RNFT2: variants seen among roughly 807,000 people sequenced by gnomAD.
RNFT2 encodes ring finger protein, transmembrane 2, also known as E3 ubiquitin-protein ligase RNFT2.
A neutral mutation model predicts 53.0 loss-of-function variants in RNFT2; 36 were observed. That is an observed-to-expected ratio of 0.68 (90% CI 0.52 to 0.90). The LOEUF (loss-of-function observed/expected upper bound fraction) is 0.90, where lower values mean the gene tolerates loss of function less well. Ranked by LOEUF, RNFT2 falls within the 40% of genes least tolerant of loss-of-function variation. RNFT2 has a pLI of 0.00. For synonymous variants in RNFT2, 260 were observed against 253.2 expected (o/e 1.03, Z -0.26); for missense variants, 514 against 585.6 (o/e 0.88, Z 1.26).
chr12:116,757,524 T>C (rs1872556417), intron 5 of RNFT2, among the ~76,000 whole-genome samples: 1 of 152,164 alleles, frequency 6.6e-6, no homozygotes, highest in East Asian at 1.9e-4. Context: ...GGTTGTGTCA[T>C]TATTGTCATT....
chr12:116,852,760 A>C lies in RNFT2; in HGVS notation c.*3312A>C. 2 of 1,580,108 alleles carry C rather than the reference A, an allele frequency of 1.3e-6. No individual in the cohort carries two copies. The highest frequency in any genetic ancestry group is 1.7e-6 in the Non-Finnish European group (2 of 1,149,114). On this transcript the variant is annotated 3_prime_UTR_variant, in exon 11 of 11. Coordinates refer to ENST00000257575, the MANE Select transcript of RNFT2 (RefSeq NM_001382266.1). ...AGTCAGACCTGGAATTCTGATTCCAAACTCTTTATTACTTTGGGAAGTCAC... is the reference window on the plus strand; with the variant it reads ...AGTCAGACCTGGAATTCTGATTCCACACTCTTTATTACTTTGGGAAGTCAC...
chr12:116,763,248 A>G (rs1430430212), intron 5 of RNFT2, among the ~76,000 whole-genome samples: 1 of 152,194 alleles, frequency 6.6e-6, no homozygotes, highest in Non-Finnish European at 1.5e-5. Context: ...AAGATATACA[A>G]ATGGCCAACA....
rs547850850 is a variant in RNFT2, at chr12:116,765,550, C to T, written c.628-1264C>T. Reference sequence around the variant, plus strand: ...AGCCACTCCAGTCTGAAAAAAGGCACGAGCTGTTGAGAATCAACAGCAGAG... The same window carrying T: ...AGCCACTCCAGTCTGAAAAAAGGCATGAGCTGTTGAGAATCAACAGCAGAG... On this transcript the variant is annotated intron_variant, in intron 5 of 10. Coordinates refer to ENST00000257575, the MANE Select transcript of RNFT2 (RefSeq NM_001382266.1). 4.6e-5 allele frequency among the ~76,000 whole-genome samples: 7 copies of T among 152,220 alleles called. No individual in the cohort carries two copies. In the South Asian group the frequency reaches 8.3e-4, roughly 18 times the overall value.
At chr12:116,776,350 A>C (rs760191484) in intron 6 of RNFT2, among the ~76,000 whole-genome samples, 2 of 152,226 alleles carry the variant, frequency 1.3e-5, no homozygotes, top group Non-Finnish European at 2.9e-5. Context: ...TCAGATCTTC[A>C]TTTGATCATG....
At chr12:116,813,024 C>T (rs116243410) in intron 7 of RNFT2, among the ~76,000 whole-genome samples, 2,319 of 152,292 alleles carry the variant, frequency 0.015, 66 homozygotes, top group African/African-American at 0.053. Context: ...GGCACGATCA[C>T]GATTCATTGC....
rs1393288914 is a variant in RNFT2, at chr12:116,766,828, G to T, written c.642G>T (p.Val214=). 23 of 1,595,148 alleles carry T rather than the reference G, an allele frequency of 1.4e-5. No homozygotes were observed. Among genetic ancestry groups the T allele is most frequent in the Non-Finnish European group, 1.7e-5 (20 of 1,170,216 alleles). The change falls in exon 6 of 11, where the codon GTG becomes GTT. Residue 214 remains valine (V), a synonymous_variant. Coordinates refer to ENST00000257575, the MANE Select transcript of RNFT2 (RefSeq NM_001382266.1). The stretch of plus-strand genomic sequence containing the variant: ...TTTGTCTTCAGGAGAAGAGGTCAGT[G>T]CTGGTCATCTTGTGGATCCTGGCCT... The part of the protein sequence containing the change: ...EQVSLKEKRS[V]LVILWILAFL...
intron 3 of RNFT2, among the ~76,000 whole-genome samples, chr12:116,746,106 G>A (rs200706559): frequency 3.4e-4 from 51 of 152,198 alleles, no homozygotes; most frequent in African/African-American, 9.9e-4. Context: ...GCATAGTGGC[G>A]CACACCTGTA....
In RNFT2 at chr12:116,809,256, GTCC is replaced by G. The variant is rs1297370260; in HGVS notation, c.883-24529_883-24527del. On this transcript the variant is annotated intron_variant, in intron 7 of 10. Transcript: ENST00000257575. ...GGAGCAGAGTCGTGGCTGCATCCCA[GTCC>G]TCCTCCATCAGAGGTTGCGTTTGAA... 5.9e-5 allele frequency among the ~76,000 whole-genome samples: 9 copies of G among 152,092 alleles called. No homozygotes were observed. In the East Asian group the frequency reaches 7.7e-4, roughly 13 times the overall value.
chr12:116,836,370 T>C, intron 10 of RNFT2, 88 bp downstream of exon 10: 1 of 1,108,990 alleles, frequency 9.0e-7, no homozygotes, highest in East Asian at 2.6e-5. Flanking sequence ...GTCTCTGGCA[T>C]GGGTCTCTGG....
At chr12:116,812,972 T>C (rs552482873) in intron 7 of RNFT2, among the ~76,000 whole-genome samples, 1 of 151,898 alleles carries the variant, frequency 6.6e-6, no homozygotes, top group Non-Finnish European at 1.5e-5. Flanking sequence ...TTTTTTTCTT[T>C]TGAAACAGGG....
intron 7 of RNFT2, among the ~76,000 whole-genome samples, chr12:116,800,853 T>TAAAATAAAATAAAAC (rs1312521219): frequency 1.1e-4 from 16 of 148,404 alleles, no homozygotes; most frequent in Admixed American, 1.1e-3. Flanking sequence ...TAAAATAAAA[T>TAAAATAAAATAAAAC]AAAATAAAAA....
chr12:116,831,225 T>G (rs1049206843), intron 7 of RNFT2, among the ~76,000 whole-genome samples: 1 of 150,866 alleles, frequency 6.6e-6, no homozygotes, highest in African/African-American at 2.4e-5. Context: ...GAGAGAGAGA[T>G]AATATCCTTC....
At chr12:116,778,367 A>G (rs1283630544) in intron 6 of RNFT2, among the ~76,000 whole-genome samples, 1 of 152,150 alleles carries the variant, frequency 6.6e-6, no homozygotes, top group South Asian at 2.1e-4. Context: ...GTAAAACTGG[A>G]TTAGTCACAT....
At chr12:116,806,742 T>C in intron 7 of RNFT2, among the ~76,000 whole-genome samples, 1 of 137,800 alleles carries the variant, frequency 7.3e-6, no homozygotes, top group African/African-American at 2.9e-5. Context: ...AGAGACCCTC[T>C]CTCAAAAAAA....
chr12:116,791,338 T>G (rs1292794960), intron 7 of RNFT2, among the ~76,000 whole-genome samples: 1 of 152,118 alleles, frequency 6.6e-6, no homozygotes, highest in Non-Finnish European at 1.5e-5. Flanking sequence ...TGAGACGGAG[T>G]CTCACCGTGT....
At chr12:116,834,823 C>G (rs905330887) in intron 8 of RNFT2, among the ~76,000 whole-genome samples, 56 of 151,704 alleles carry the variant, frequency 3.7e-4, no homozygotes, top group Admixed American at 2.9e-3. Flanking sequence ...CTTCACAAAC[C>G]CTTCAAGGTA....
chr12:116,748,887 T>C (rs1191618471), intron 3 of RNFT2: 1 of 196,664 alleles, frequency 5.1e-6, no homozygotes, highest in African/African-American at 2.4e-5. Context: ...ACAAGTTACT[T>C]TCTCTCTCTG....
intron 7 of RNFT2, among the ~76,000 whole-genome samples, chr12:116,816,672 T>C (rs144623565): frequency 1.1e-3 from 169 of 152,302 alleles, no homozygotes; most frequent in African/African-American, 3.2e-3. Context: ...TTAGGCAAAA[T>C]GGTGAACTTC....
chr12:116,809,979 A>G (rs1007538335), intron 7 of RNFT2, among the ~76,000 whole-genome samples: 1 of 152,156 alleles, frequency 6.6e-6, no homozygotes, highest in African/African-American at 2.4e-5. Context: ...CTAGGCCAGA[A>G]AGACCTTCTT....
Sources: allele counts gnomAD v4.1 joint callset (sites outside exome capture counted in the v4.1 genomes callset), GRCh38; gene constraint gnomAD v4.1.1; transcripts MANE v1.5; gene names NCBI Gene and HGNC (gene_info 2026-07-23, HGNC 2026-07-21).